The following BICD1 variants were observed in gnomAD, a reference collection of about 807,000 sequenced individuals.
The protein encoded by BICD1 is protein bicaudal D homolog 1.
A neutral mutation model predicts 92.5 loss-of-function variants in BICD1; 35 were observed. The observed-to-expected ratio is 0.38, with a 90% CI of 0.29 to 0.50. The LOEUF (loss-of-function observed/expected upper bound fraction) is 0.50, where lower values mean the gene tolerates loss of function less well. Among genes scored for constraint, BICD1 ranks in the 20% least tolerant of loss-of-function variants. BICD1 has a pLI of 0.93. For missense variants in BICD1, 950 were observed against 1,189.8 expected (o/e 0.80, Z 2.97); for synonymous variants, 429 against 465.1 (o/e 0.92, Z 1.00).
chr12:32,187,501 G>A (rs1193508762), intron 1 of BICD1, among the ~76,000 whole-genome samples: 1 of 151,972 alleles, frequency 6.6e-6, no homozygotes. Flanking sequence ...GTGAAACCCC[G>A]TCTGTACTAA....
At chr12:32,273,340 G>A (rs1281618749) in intron 2 of BICD1, among the ~76,000 whole-genome samples, 2 of 152,158 alleles carry the variant, frequency 1.3e-5, no homozygotes, top group Non-Finnish European at 1.5e-5. Context: ...GATTCCAAAG[G>A]GTATACTGGT....
intron 8 of BICD1, chr12:32,352,402 C>T (rs537038152): frequency 6.6e-6 from 1 of 151,474 alleles, no homozygotes; most frequent in South Asian, 2.1e-4. Context: ...AGGAGAATCA[C>T]TTGAATCTAG....
At chr12:32,359,254 G>A (rs933905945) in intron 8 of BICD1, among the ~76,000 whole-genome samples, 1 of 152,058 alleles carries the variant, frequency 6.6e-6, no homozygotes, top group East Asian at 1.9e-4. Context: ...AAGATTTTTG[G>A]TCTAAAGTGG....
At chr12:32,155,185 C>A (rs995957343) in intron 1 of BICD1, among the ~76,000 whole-genome samples, 6 of 152,128 alleles carry the variant, frequency 3.9e-5, no homozygotes, top group African/African-American at 1.4e-4. Flanking sequence ...CACAGCTGTA[C>A]TCCATCGGCC....
chr12:32,201,188 G>T (rs931095367), intron 1 of BICD1, among the ~76,000 whole-genome samples: 4 of 152,118 alleles, frequency 2.6e-5, no homozygotes, highest in African/African-American at 9.7e-5. Context: ...CTGAAACAAG[G>T]CTTTCCTTCT....
In BICD1 at chr12:32,183,820, A is replaced by T. The variant is rs961701226; in HGVS notation, c.214-32427A>T. On this transcript the variant is annotated intron_variant, in intron 1 of 9. Coordinates refer to ENST00000652176, the MANE Select transcript of BICD1 (RefSeq NM_001714.4). ...TGAGTAACATCTGAACCCTCAGCCC[A>T]TCCTGTGGAACACAGGCCATATAGG... 4.6e-5 allele frequency among the ~76,000 whole-genome samples: 7 copies of T among 152,306 alleles called. No individual in the cohort carries two copies. The East Asian group carries it at 5.8e-4, about 13-fold the overall frequency.
chr12:32,178,814 T>A (rs1144723), intron 1 of BICD1, among the ~76,000 whole-genome samples: 1 of 151,946 alleles, frequency 6.6e-6, no homozygotes, highest in South Asian at 2.1e-4. Flanking sequence ...AAAATGGCAG[T>A]TGTCCTGCAT....
intron 1 of BICD1, among the ~76,000 whole-genome samples, chr12:32,143,641 A>G (rs983880869): frequency 2.0e-5 from 3 of 152,142 alleles, no homozygotes; most frequent in Non-Finnish European, 2.9e-5. Context: ...CCTGTTGTAC[A>G]TATAGCCTGG....
At chr12:32,367,514 A>G (rs1382998085) in intron 8 of BICD1, 156 bp from the exon 9 acceptor site, 12 of 580,304 alleles carry the variant, frequency 2.1e-5, no homozygotes, top group Admixed American at 6.3e-5. Flanking sequence ...TTCTATTGGC[A>G]TCATTCAAGA....
intron 1 of BICD1, among the ~76,000 whole-genome samples, chr12:32,174,689 C>T (rs2121517953): frequency 6.6e-6 from 1 of 152,306 alleles, no homozygotes; most frequent in East Asian, 1.9e-4. Flanking sequence ...GCCAGTATCA[C>T]AACCTGTGAA....
At chr12:32,316,821 C>A (rs1483142220) in intron 4 of BICD1, among the ~76,000 whole-genome samples, 1 of 151,934 alleles carries the variant, frequency 6.6e-6, no homozygotes, top group African/African-American at 2.4e-5. Context: ...TGTCATTTAG[C>A]ATTAGGTATA....
At chr12:32,219,286 G>A (rs1300869462) in intron 2 of BICD1, among the ~76,000 whole-genome samples, 1 of 152,006 alleles carries the variant, frequency 6.6e-6, no homozygotes, top group Non-Finnish European at 1.5e-5. Context: ...ATATATGTTG[G>A]GTGCATCGTG....
chr12:32,238,550 T>C (rs1946139741), intron 2 of BICD1, among the ~76,000 whole-genome samples: 1 of 152,178 alleles, frequency 6.6e-6, no homozygotes, highest in Non-Finnish European at 1.5e-5. Flanking sequence ...TTGAAAGAAG[T>C]TGTACCATGA....
chr12:32,169,583 C>T (rs1943874702), intron 1 of BICD1, among the ~76,000 whole-genome samples: 1 of 151,322 alleles, frequency 6.6e-6, no homozygotes, highest in Non-Finnish European at 1.5e-5. Flanking sequence ...CCAGCCTGGA[C>T]CCATTTTATA....
At chr12:32,221,603 C>G (rs1342395365) in intron 2 of BICD1, among the ~76,000 whole-genome samples, 1 of 151,742 alleles carries the variant, frequency 6.6e-6, no homozygotes, top group East Asian at 1.9e-4. Context: ...ATTGCTTGAA[C>G]CCGGGAGGCA....
At chr12:32,140,239 G>T (rs978482533) in intron 1 of BICD1, among the ~76,000 whole-genome samples, 2 of 152,138 alleles carry the variant, frequency 1.3e-5, no homozygotes, top group African/African-American at 4.8e-5. Context: ...GAAAATAAAT[G>T]GCAGATGAAT....
intron 2 of BICD1, among the ~76,000 whole-genome samples, chr12:32,286,037 GTCTT>G (rs1947555526): frequency 6.6e-6 from 1 of 152,188 alleles, no homozygotes. Context: ...ATCTCAGTGA[GTCTT>G]TCAGCTTAAC....
chr12:32,168,986 A>G (rs761648163), intron 1 of BICD1, among the ~76,000 whole-genome samples: 7 of 151,706 alleles, frequency 4.6e-5, no homozygotes, highest in East Asian at 1.9e-4. Flanking sequence ...AACAAACCCA[A>G]AATTGACCAT....
At chr12:32,261,198 C>T (rs1946848912) in intron 2 of BICD1, among the ~76,000 whole-genome samples, 1 of 151,874 alleles carries the variant, frequency 6.6e-6, no homozygotes, top group African/African-American at 2.4e-5. Flanking sequence ...ATGGATGACC[C>T]ATGTGCCAGA....
Sources: allele counts gnomAD v4.1 joint callset (sites outside exome capture counted in the v4.1 genomes callset), GRCh38; gene constraint gnomAD v4.1.1; transcripts MANE v1.5; gene names NCBI Gene and HGNC (gene_info 2026-07-23, HGNC 2026-07-21).